The following SLC25A26 variants were observed in gnomAD, a reference collection of about 807,000 sequenced individuals.
SLC25A26 encodes solute carrier family 25 member 26.
SLC25A26 carries 36 observed loss-of-function variants against 37.8 expected under a neutral mutation model. The observed-to-expected ratio is 0.95, with a 90% CI of 0.73 to 1.26. The LOEUF (loss-of-function observed/expected upper bound fraction) is 1.26. Among genes scored for constraint, SLC25A26 ranks in the 50% most tolerant of loss-of-function variants. SLC25A26 has a pLI of 0.00. For synonymous variants in SLC25A26, 129 were observed against 122.5 expected, an observed-to-expected ratio of 1.05 and a Z score of -0.35; for missense variants, 390 against 331.1, an observed-to-expected ratio of 1.18 and a Z score of -1.38.
At chr3:66,269,269 A>G (rs1004021031) in intron 5 of SLC25A26, among the ~76,000 whole-genome samples, 10 of 152,202 alleles carry the variant, frequency 6.6e-5, no homozygotes, top group Non-Finnish European at 1.5e-4. Context: ...CAGGGCTGCA[A>G]CCTTGATATG....
At position 66,143,748 on chromosome 3, in the gene SLC25A26, G is replaced by T. The variant is rs561830237; in HGVS notation, c.-354+9764G>T. Among the ~76,000 whole-genome samples the T allele has an allele frequency of 3.4e-3, 523 of 152,232 alleles. 2 individuals carry two copies. Among genetic ancestry groups the T allele is most frequent in the African/African-American group, 0.012 (499 of 41,534 alleles). The stretch of plus-strand genomic sequence containing the variant: ...AAAATACAAAAATTAGCTGGGGGTG[G>T]TGGTACACACCTGTAGTCCCAGCTA... On this transcript the variant is annotated intron_variant, in intron 1 of 10. Transcript: ENST00000676754.
rs991577638 is a variant in SLC25A26, at chr3:66,198,018, A to C, written c.-353-22724A>C. On this transcript the variant is annotated intron_variant, in intron 1 of 10. Coordinates refer to the SLC25A26 transcript ENST00000676754. ...TAAGGGTGAGTGTATATGTCAGAGA[A>C]AGTGTCAGCTTGATAGTCAGGGTCA... 6.6e-5 allele frequency among the ~76,000 whole-genome samples: 10 copies of C among 152,060 alleles called. No individual in the cohort carries two copies. In the South Asian group the frequency reaches 2.1e-3, roughly 32 times the overall value.
chr3:66,195,396 C>G (rs1028226446), intron 1 of SLC25A26, among the ~76,000 whole-genome samples: 152,253 of 152,388 alleles, frequency 1, 76,059 homozygotes, highest in Middle Eastern at 1. Context: ...GGGAGCCATC[C>G]GCAGCCCCGG....
intron 3 of SLC25A26, among the ~76,000 whole-genome samples, chr3:66,246,199 G>A (rs896548443): frequency 3.9e-5 from 6 of 152,094 alleles, no homozygotes; most frequent in African/African-American, 9.7e-5. Flanking sequence ...ACACAGTCTC[G>A]TTACATGCAG....
chr3:66,181,780 CTTTTTTTTTTT>C (rs922019884), intron 1 of SLC25A26, among the ~76,000 whole-genome samples: 2 of 97,054 alleles, frequency 2.1e-5, no homozygotes, highest in East Asian at 6.2e-4. Flanking sequence ...CTCCCCTTGT[CTTTTTTTTTTT>C]TTTTTTTTTT....
chr3:66,273,183 G>C (rs1483417443), intron 5 of SLC25A26, among the ~76,000 whole-genome samples: 3 of 152,132 alleles, frequency 2.0e-5, no homozygotes, highest in Non-Finnish European at 2.9e-5. Flanking sequence ...TGTGCTGCTG[G>C]ATTCGGTTTG....
intron 1 of SLC25A26, among the ~76,000 whole-genome samples, chr3:66,172,533 G>C (rs748335777): frequency 1.3e-5 from 2 of 152,050 alleles, no homozygotes; most frequent in African/African-American, 4.8e-5. Context: ...AGACTGGTCG[G>C]GGCTGTATAT....
At chr3:66,253,312 G>A (rs2107209962) in intron 3 of SLC25A26, among the ~76,000 whole-genome samples, 1 of 151,788 alleles carries the variant, frequency 6.6e-6, no homozygotes, top group Middle Eastern at 3.4e-3. Flanking sequence ...TCGGGAGGCT[G>A]AGGCAGGAGA....
At chr3:66,349,266 T>C (rs941975855) in intron 6 of SLC25A26, among the ~76,000 whole-genome samples, 2 of 152,168 alleles carry the variant, frequency 1.3e-5, no homozygotes, top group African/African-American at 4.8e-5. Flanking sequence ...GCTTTACATA[T>C]GATAAAACTC....
At chr3:66,361,961 C>T (rs971838342) in intron 6 of SLC25A26, among the ~76,000 whole-genome samples, 7 of 151,596 alleles carry the variant, frequency 4.6e-5, no homozygotes, top group African/African-American at 1.7e-4. Flanking sequence ...GGTGACAGAG[C>T]GAGTCTGTCT....
chr3:66,202,285 C>G (rs1409957773), intron 1 of SLC25A26, among the ~76,000 whole-genome samples: 1 of 152,052 alleles, frequency 6.6e-6, no homozygotes, highest in African/African-American at 2.4e-5. Context: ...ACCACATGTT[C>G]TCACTCATAA....
chr3:66,148,047 A>G (rs1301392947), intron 1 of SLC25A26, among the ~76,000 whole-genome samples: 1 of 152,168 alleles, frequency 6.6e-6, no homozygotes, highest in Non-Finnish European at 1.5e-5. Context: ...GTGAGCCACC[A>G]TGCCCGGCTG....
chr3:66,331,972 C>G (rs999070595), intron 5 of SLC25A26, among the ~76,000 whole-genome samples: 1 of 152,024 alleles, frequency 6.6e-6, no homozygotes, highest in African/African-American at 2.4e-5. Context: ...CGCTGTGTTG[C>G]CCAAGCTGGA....
chr3:66,217,702 C>T (rs1203617589), upstream of SLC25A26, among the ~76,000 whole-genome samples: 1 of 152,082 alleles, frequency 6.6e-6, no homozygotes. Flanking sequence ...GCGCGCATCA[C>T]CACACTCAGC....
chr3:66,151,731 G>T (rs1027518194), intron 1 of SLC25A26, among the ~76,000 whole-genome samples: 1 of 152,048 alleles, frequency 6.6e-6, no homozygotes, highest in Non-Finnish European at 1.5e-5. Context: ...GGTCTTCCTG[G>T]GGTAACTGTG....
intron 1 of SLC25A26, among the ~76,000 whole-genome samples, chr3:66,204,956 G>T (rs1481927775): frequency 4.6e-5 from 7 of 152,154 alleles, no homozygotes; most frequent in African/African-American, 1.4e-4. Flanking sequence ...GGCTAATGGG[G>T]CTCTGAGATG....
At chr3:66,358,955 A>T (rs6808063) in intron 6 of SLC25A26, among the ~76,000 whole-genome samples, 5,671 of 152,260 alleles carry the variant, frequency 0.037, 336 homozygotes, top group African/African-American at 0.13. Context: ...TCTTTACGTC[A>T]TGCTTTGTGT....
intron 6 of SLC25A26, chr3:66,356,149 C>T (rs2076570713): frequency 2.2e-6 from 1 of 448,878 alleles, no homozygotes; most frequent in Non-Finnish European, 4.5e-6. Flanking sequence ...GACAGTAGTG[C>T]TTATTTGGGT....
At chr3:66,284,469 TG>T (rs1350585595) in intron 5 of SLC25A26, among the ~76,000 whole-genome samples, 19 of 152,336 alleles carry the variant, frequency 1.2e-4, no homozygotes, top group African/African-American at 4.6e-4. Context: ...TCTCCACCAC[TG>T]GCAGGTGTAT....
Sources: allele counts gnomAD v4.1 joint callset (sites outside exome capture counted in the v4.1 genomes callset), GRCh38; gene constraint gnomAD v4.1.1; transcripts MANE v1.5; gene names NCBI Gene and HGNC (gene_info 2026-07-23, HGNC 2026-07-21).